EPM2A: variants seen among roughly 807,000 people sequenced by gnomAD.
EPM2A encodes the protein EPM2A glucan phosphatase, laforin, also known as laforin.
A neutral mutation model predicts 26.5 loss-of-function variants in EPM2A; 21 were observed. The ratio of observed to expected loss-of-function variants is 0.79; its 90% confidence interval spans 0.56 to 1.14. EPM2A has a LOEUF of 1.14. EPM2A is among the 50% of genes most tolerant of loss of function. The probability of loss-of-function intolerance (pLI) is 0.00; values close to 1 mark genes in which losing one functional copy is unlikely to be tolerated. For synonymous variants in EPM2A, 217 were observed against 177.6 expected, an observed-to-expected ratio of 1.22 and a Z score of -1.76; for missense variants, 458 against 440.8, an observed-to-expected ratio of 1.04 and a Z score of -0.35.
chr6:145,654,821 G>A (rs1778145665), intron 2 of EPM2A, among the ~76,000 whole-genome samples: 1 of 152,052 alleles, frequency 6.6e-6, no homozygotes, highest in Admixed American at 6.5e-5. Flanking sequence ...CAATAAAATT[G>A]TTTTTCAAGG....
At chr6:145,590,706 C>T (rs935588317) in intron 2 of EPM2A, among the ~76,000 whole-genome samples, 3 of 151,978 alleles carry the variant, frequency 2.0e-5, no homozygotes, top group South Asian at 2.1e-4. Context: ...GTCTCTGGCA[C>T]GTACAGCAAA....
chr6:145,573,239 G>A (rs1299435704), intron 2 of EPM2A, among the ~76,000 whole-genome samples: 1 of 152,194 alleles, frequency 6.6e-6, no homozygotes, highest in Non-Finnish European at 1.5e-5. Context: ...ATAACACAAA[G>A]TCAGAGAGTT....
chr6:145,463,893 G>A (rs534167205), intron 4 of EPM2A, among the ~76,000 whole-genome samples: 230 of 152,192 alleles, frequency 1.5e-3, no homozygotes, highest in Non-Finnish European at 2.3e-3. Flanking sequence ...ATCTCATCTC[G>A]AAGTGTAATA....
chr6:145,499,815 C>T (rs542143739), downstream of EPM2A, among the ~76,000 whole-genome samples: 2 of 152,188 alleles, frequency 1.3e-5, no homozygotes, highest in South Asian at 2.1e-4. Flanking sequence ...GTCATTGATA[C>T]AAGTGTATAT....
At chr6:145,574,602 G>A (rs1781004470) in intron 2 of EPM2A, among the ~76,000 whole-genome samples, 1 of 152,130 alleles carries the variant, frequency 6.6e-6, no homozygotes, top group Non-Finnish European at 1.5e-5. Context: ...CCTCCCAGCT[G>A]GGATGAGTAG....
intron 4 of EPM2A, among the ~76,000 whole-genome samples, chr6:145,475,796 A>G (rs1779535415): frequency 6.6e-6 from 1 of 152,088 alleles, no homozygotes; most frequent in Non-Finnish European, 1.5e-5. Flanking sequence ...CATACAATGG[A>G]TACACACACA....
intron 1 of EPM2A, among the ~76,000 whole-genome samples, chr6:145,717,645 G>A (rs933950730): frequency 2.0e-5 from 3 of 151,958 alleles, no homozygotes; most frequent in African/African-American, 7.3e-5. Context: ...AAGAAATAAA[G>A]GGTATTCAAT....
At chr6:145,389,447 C>T (rs979089480) in intron 4 of EPM2A, among the ~76,000 whole-genome samples, 2 of 152,150 alleles carry the variant, frequency 1.3e-5, no homozygotes, top group African/African-American at 2.4e-5. Flanking sequence ...CTGCTTTGGC[C>T]TCCCAAAGTG....
rs181033994 is a variant in EPM2A at position 145,627,195 on chromosome 6, C to T, written c.*221G>A. 1.7e-4 allele frequency: 247 copies of T among 1,432,510 alleles called. 7 individuals are homozygous for T. In the Admixed American group the frequency reaches 6.8e-3, roughly 39 times the overall value. The allele number at this position is 1,432,510 out of a possible 1,614,324, so 88.7% of individuals were successfully genotyped here. A position where few individuals can be genotyped will look rare whatever the true frequency, so the allele number is the denominator to read the frequency against. ...TGATGTACAGCCTAACTGCTTCGTGCTTCTTCTCATGTGTTGAGCCACAGC... is the reference window on the plus strand; with the variant it reads ...TGATGTACAGCCTAACTGCTTCGTGTTTCTTCTCATGTGTTGAGCCACAGC... On this transcript the variant is annotated 3_prime_UTR_variant, in exon 4 of 4. Coordinates refer to ENST00000367519, the MANE Select transcript of EPM2A (RefSeq NM_005670.4).
chr6:145,396,616 A>G (rs1832374), intron 4 of EPM2A, among the ~76,000 whole-genome samples: 56,929 of 151,438 alleles, frequency 0.38, 10,907 homozygotes, highest in South Asian at 0.45. Context: ...CTGCCCTCAG[A>G]TACCTGGAGT....
chr6:145,535,860 A>G (rs1780424045), intron 2 of EPM2A, among the ~76,000 whole-genome samples: 1 of 152,202 alleles, frequency 6.6e-6, no homozygotes, highest in African/African-American at 2.4e-5. Context: ...ACCTTTTCCA[A>G]ATTGACTTTC....
At chr6:145,677,688 A>C (rs1007063100) in intron 2 of EPM2A, among the ~76,000 whole-genome samples, 1 of 152,202 alleles carries the variant, frequency 6.6e-6, no homozygotes, top group Non-Finnish European at 1.5e-5. Flanking sequence ...ATTGCTTCAA[A>C]GAGAATAAAA....
intron 2 of EPM2A, among the ~76,000 whole-genome samples, chr6:145,676,262 G>A (rs1780029703): frequency 6.6e-6 from 1 of 152,156 alleles, no homozygotes; most frequent in Non-Finnish European, 1.5e-5. Context: ...GAATCTCTGG[G>A]ACACATTTAA....
chr6:145,418,897 CT>C (rs1392009331), intron 4 of EPM2A, among the ~76,000 whole-genome samples: 2 of 152,072 alleles, frequency 1.3e-5, no homozygotes, highest in African/African-American at 4.8e-5. Flanking sequence ...TAAAAAATGT[CT>C]TTTTAAATTA....
At chr6:145,491,011 C>T (rs1187581042) in intron 4 of EPM2A, 3 of 923,502 alleles carry the variant, frequency 3.2e-6, no homozygotes, top group Non-Finnish European at 5.1e-6. Context: ...ATTGTGCCTT[C>T]AGCAATCTCT....
At chr6:145,690,653 C>G (rs1362140147) in intron 1 of EPM2A, among the ~76,000 whole-genome samples, 1 of 149,666 alleles carries the variant, frequency 6.7e-6, no homozygotes, top group East Asian at 2.0e-4. Context: ...AAAAAGATGC[C>G]GGATAAAGGC....
chr6:145,651,880 G>A (rs995348261), intron 2 of EPM2A, among the ~76,000 whole-genome samples: 1 of 152,076 alleles, frequency 6.6e-6, no homozygotes, highest in Non-Finnish European at 1.5e-5. Context: ...AGAAGATGTT[G>A]TATGTTTTAT....
In EPM2A at chr6:145,686,219, C is replaced by T. The variant is rs796052429; in HGVS notation, c.379G>A (p.Gly127Arg). Residue 127 changes from glycine to arginine, a missense_variant, in exon 2 of 4, where the codon GGA becomes AGA. Coordinates refer to ENST00000367519, the MANE Select transcript of EPM2A (RefSeq NM_005670.4). ...TGCCCAGTGGCCTCAATCCAGTGTC[C>T]TATTGGGAGACAATACACACCATCC... ...LVDGVYCLPI[G>R]HWIEATGHTN... 6.2e-7 allele frequency: 1 copy of T among 1,613,652 alleles called. No homozygotes were observed. Among genetic ancestry groups the T allele is most frequent in the Middle Eastern group, 1.6e-4 (1 of 6,062 alleles).
At chr6:145,638,043 T>G (rs1269200218) in intron 2 of EPM2A, 2 of 152,160 alleles carry the variant, frequency 1.3e-5, no homozygotes, top group Non-Finnish European at 2.9e-5. Context: ...ACAGTAATTT[T>G]TATTTGTTTG....
Sources: gnomAD v4.1 joint callset for allele counts (sites outside exome capture counted in the v4.1 genomes callset) on GRCh38, gnomAD v4.1.1 for gene constraint, MANE v1.5 for transcripts, NCBI Gene and HGNC (gene_info 2026-07-23, HGNC 2026-07-21) for gene names.